Variants in RSRP1 observed in about 807,000 individuals in gnomAD.
RSRP1 encodes arginine/serine-rich protein 1.
Under a neutral mutation model 33.0 loss-of-function variants are expected in RSRP1, and 37 were observed. The observed-to-expected ratio is 1.12, with a 90% CI of 0.86 to 1.48. RSRP1 has a LOEUF of 1.48. Ranked by LOEUF, RSRP1 falls within the 40% of genes most tolerant of loss-of-function variation. The probability of loss-of-function intolerance (pLI) is 0.00; values close to 1 mark genes in which losing one functional copy is unlikely to be tolerated. For missense variants in RSRP1, 402 were observed against 385.3 expected (o/e 1.04, Z -0.36); for synonymous variants, 167 against 158.7 (o/e 1.05, Z -0.40).
intron 1 of RSRP1, among the ~76,000 whole-genome samples, chr1:25,257,251 C>T (rs896494231): frequency 3.9e-5 from 6 of 152,098 alleles, no homozygotes; most frequent in East Asian, 3.8e-4. Flanking sequence ...GCATTTATCA[C>T]GCTTGTAATT....
In RSRP1 at chr1:25,303,566, C is replaced by T. The variant is rs584143; in HGVS notation, c.-67+34412G>A. 1.2e-4 allele frequency: 137 copies of T among 1,146,220 alleles called. 24 individuals are homozygous for T. Among genetic ancestry groups the T allele is most frequent in the African/African-American group, 1.0e-3 (68 of 66,590 alleles). The allele number at this position is 1,146,220 out of a possible 1,614,324, so 71.0% of individuals were successfully genotyped here. On this transcript the variant is annotated intron_variant, in intron 1 of 1. Transcript: ENST00000561867. ...CACAGCTGCATTAGGCAGGTGTCGG[C>T]GCATTCTCTTATTGGCTTCAACGCC...
intron 1 of RSRP1, chr1:25,307,048 T>C (rs1643888491): frequency 2.9e-6 from 1 of 339,444 alleles, no homozygotes; most frequent in South Asian, 2.2e-5. Flanking sequence ...CAGGTCGTGA[T>C]GCAGAGCTTT....
rs764048984 is a variant in RSRP1 at position 25,245,096 on chromosome 1, G to C, written c.672+54C>G. The C allele has an allele frequency of 1.9e-6, 3 of 1,613,816 alleles. No homozygotes were observed. The Admixed American group carries it at 5.0e-5, about 27-fold the overall frequency. Reference sequence around the variant, plus strand: ...AGTCTAAGATATAAGTGGCTAATCAGATTTGACAGTTGGCTTTCTGAAAGT... The same window carrying C: ...AGTCTAAGATATAAGTGGCTAATCACATTTGACAGTTGGCTTTCTGAAAGT... On this transcript the variant is annotated intron_variant, in intron 3 of 4. Transcript: ENST00000243189.
rs572938521 is a variant in RSRP1 at position 25,280,913 on chromosome 1, T to C, written c.-66-33884A>G. On this transcript the variant is annotated intron_variant, in intron 1 of 1. Coordinates refer to the RSRP1 transcript ENST00000561867. ...CTGGGATTACAGGTGTGAGCCACCA[T>C]ACCTGGTCTGACTTCCTAATCTTTA... Among the ~76,000 whole-genome samples, 36 of 132,602 alleles carry C rather than the reference T, an allele frequency of 2.7e-4. 6 individuals are homozygous for C. Among genetic ancestry groups the C allele is most frequent in the East Asian group, 5.9e-4 (3 of 5,116 alleles). 87.0% of individuals were successfully genotyped at this position (132,602 alleles called of 152,430 possible).
rs573680751 is a variant in RSRP1, at chr1:25,274,134, C to T, written c.-66-27105G>A. Reference sequence around the variant, plus strand: ...GATATTTATGAGCACTTACTATGTACCAGGCACTATTCTACATGCTTTACA... The same window carrying T: ...GATATTTATGAGCACTTACTATGTATCAGGCACTATTCTACATGCTTTACA... On this transcript the variant is annotated intron_variant, in intron 1 of 1. Transcript: ENST00000561867. 7.5e-5 allele frequency among the ~76,000 whole-genome samples: 10 copies of T among 132,532 alleles called. No individual in the cohort carries two copies. In the East Asian group the frequency reaches 1.9e-3, roughly 26 times the overall value. 86.9% of individuals were successfully genotyped at this position (132,532 alleles called of 152,430 possible). A position where few individuals can be genotyped will look rare whatever the true frequency, so the allele number is the denominator to read the frequency against.
chr1:25,260,870 C>T (rs1238636328), intron 1 of RSRP1, among the ~76,000 whole-genome samples: 3 of 151,530 alleles, frequency 2.0e-5, no homozygotes, highest in South Asian at 2.1e-4. Context: ...CGATCGATCT[C>T]GGCTCACTGC....
At position 25,283,351 on chromosome 1, in the gene RSRP1, C is replaced by T. The variant is rs1327903012; in HGVS notation, c.-66-36322G>A. ...TTCGAGACCAGCTTGGCCAACATAG[C>T]GAAACCCCTTCTCTATTAAAAATAC... is the stretch of plus-strand genomic sequence containing the variant. On this transcript the variant is annotated intron_variant, in intron 1 of 1. Coordinates refer to the RSRP1 transcript ENST00000561867. Among the ~76,000 whole-genome samples the T allele has an allele frequency of 1.7e-4, 22 of 129,280 alleles. 2 individuals are homozygous for T. The highest frequency in any genetic ancestry group is 1.4e-3 in the East Asian group (7 of 5,010). The allele number at this position is 129,280 out of a possible 152,430, so 84.8% of individuals were successfully genotyped here.
chr1:25,331,841 G>A (rs1280846896), intron 1 of RSRP1, among the ~76,000 whole-genome samples: 1 of 119,738 alleles, frequency 8.4e-6, no homozygotes, highest in East Asian at 2.1e-4. Context: ...CCGGGTTCAC[G>A]CCATTCTCCT....
chr1:25,258,205 G>C (rs1293895714), intron 1 of RSRP1, among the ~76,000 whole-genome samples: 2 of 151,998 alleles, frequency 1.3e-5, no homozygotes, highest in East Asian at 1.9e-4. Context: ...ATTTGAGACA[G>C]AGTCTCGATC....
rs1571550029 is a variant in RSRP1, at chr1:25,268,324, G to A, written c.-66-21295C>T. Among the ~76,000 whole-genome samples the A allele has an allele frequency of 3.0e-5, 4 of 132,180 alleles. 1 individual carries two copies. Among genetic ancestry groups the A allele is most frequent in the Admixed American group, 2.9e-4 (4 of 13,676 alleles). 86.7% of individuals were successfully genotyped at this position (132,180 alleles called of 152,430 possible). A position where few individuals can be genotyped will look rare whatever the true frequency, so the allele number is the denominator to read the frequency against. ...ACCTGAGGTCAGGAGTTCGAGACCA[G>A]ACTAGCCAACGTGGTGAAACCCTGT... On this transcript the variant is annotated intron_variant, in intron 1 of 1. Transcript: ENST00000561867.
rs567654945 is a variant in RSRP1 at position 25,282,873 on chromosome 1, C to T, written c.-66-35844G>A. Reference sequence around the variant, plus strand: ...TCGCACCACTGCACTCCAACCTGGGCAACAGAGAGACTCTGTCTCGAAAAA... The same window carrying T: ...TCGCACCACTGCACTCCAACCTGGGTAACAGAGAGACTCTGTCTCGAAAAA... On this transcript the variant is annotated intron_variant, in intron 1 of 1. Coordinates refer to the RSRP1 transcript ENST00000561867. Among the ~76,000 whole-genome samples, 494 of 129,006 alleles carry T rather than the reference C, an allele frequency of 3.8e-3. 121 individuals carry two copies. Among genetic ancestry groups the T allele is most frequent in the Non-Finnish European group, 6.6e-3 (362 of 54,542 alleles). 84.6% of individuals were successfully genotyped at this position (129,006 alleles called of 152,430 possible). A position where few individuals can be genotyped will look rare whatever the true frequency, so the allele number is the denominator to read the frequency against.
At chr1:25,252,037 C>A (rs1176127821), upstream of RSRP1, among the ~76,000 whole-genome samples, 1 of 150,646 alleles carries the variant, frequency 6.6e-6, no homozygotes, top group African/African-American at 2.4e-5. Flanking sequence ...AGTACAGGTG[C>A]ACGCCACCAC....
chr1:25,305,925 T>C (rs980557174), intron 1 of RSRP1, among the ~76,000 whole-genome samples: 1 of 131,798 alleles, frequency 7.6e-6, no homozygotes, highest in African/African-American at 2.6e-5. Context: ...TGAAGACTAA[T>C]AGGGATTCTA....
At position 25,245,145 on chromosome 1, in the gene RSRP1, C is replaced by T. The variant is rs955928873; in HGVS notation, c.672+5G>A. The T allele has an allele frequency of 1.2e-6, 2 of 1,614,068 alleles. No homozygotes were observed. Among genetic ancestry groups the T allele is most frequent in the African/African-American group, 1.3e-5 (1 of 74,944 alleles). On this transcript the variant is annotated splice_donor_5th_base_variant and intron_variant, in intron 3 of 4. Coordinates refer to ENST00000243189, the MANE Select transcript of RSRP1 (RefSeq NM_020317.5). ...GTTTTGTTCCGACAAACCTAGAATACTTACTTCAGGCTTTGCACCATTACT... is the reference window on the plus strand; with the variant it reads ...GTTTTGTTCCGACAAACCTAGAATATTTACTTCAGGCTTTGCACCATTACT...
chr1:25,280,665 G>A (rs1641414958), intron 1 of RSRP1, among the ~76,000 whole-genome samples: 1 of 113,964 alleles, frequency 8.8e-6, no homozygotes, highest in African/African-American at 3.0e-5. Flanking sequence ...CTGCTGGAGT[G>A]TAGTGGTGTG....
intron 1 of RSRP1, among the ~76,000 whole-genome samples, chr1:25,333,350 G>A (rs1645041074): frequency 7.7e-6 from 1 of 130,436 alleles, no homozygotes; most frequent in Non-Finnish European, 1.8e-5. Flanking sequence ...ACAACTTGTA[G>A]GAGAGGCTGC....
rs190103270 is a variant in RSRP1 at position 25,287,719 on chromosome 1, A to C, written c.-66-40690T>G. 2.9e-3 allele frequency among the ~76,000 whole-genome samples: 392 copies of C among 135,380 alleles called. 53 individuals are homozygous for C. The highest frequency in any genetic ancestry group is 8.6e-3 in the African/African-American group (339 of 39,404). 88.8% of individuals were successfully genotyped at this position (135,380 alleles called of 152,430 possible). The stretch of plus-strand genomic sequence containing the variant: ...ACGGAACTCTGAAGTGGGATGTTTT[A>C]AAATTTTATTTATTTTTTTAGAGAC... On this transcript the variant is annotated intron_variant, in intron 1 of 1. Transcript: ENST00000561867.
At chr1:25,287,753 G>T (rs1170900923) in intron 1 of RSRP1, among the ~76,000 whole-genome samples, 1 of 135,038 alleles carries the variant, frequency 7.4e-6, no homozygotes, top group African/African-American at 2.5e-5. Context: ...ACAGGGTCTT[G>T]CTCTGTTGCC....
rs58027687 is a variant in RSRP1 at position 25,312,920 on chromosome 1, TAAAAAAAAAAAAAAAAAAAAA to T, written c.-67+25037_-67+25057del. Among the ~76,000 whole-genome samples the T allele has an allele frequency of 1.0e-3, 7 of 6,856 alleles. 1 individual carries two copies. In the South Asian group the frequency reaches 0.016, roughly 16 times the overall value. The allele number at this position is 6,856 out of a possible 152,430, so 4.5% of individuals were successfully genotyped here. A position where few individuals can be genotyped will look rare whatever the true frequency, so the allele number is the denominator to read the frequency against. ...GGATGATAGAGCAAAATCCCATCTC[TAAAAAAAAAAAAAAAAAAAAA>T]AAAAAAAAAAAAAACTTTAGTGCTA... is the stretch of plus-strand genomic sequence containing the variant. On this transcript the variant is annotated intron_variant, in intron 1 of 1. Transcript: ENST00000561867.
Sources: gnomAD v4.1 joint callset for allele counts (sites outside exome capture counted in the v4.1 genomes callset) on GRCh38, gnomAD v4.1.1 for gene constraint, MANE v1.5 for transcripts, NCBI Gene and HGNC (gene_info 2026-07-23, HGNC 2026-07-21) for gene names.